Variants in GPR89A observed in about 807,000 individuals in gnomAD.
GPR89A encodes the protein golgi pH regulator A.
In GPR89A, 16 loss-of-function variants were observed where a neutral mutation model predicts 52.0. The observed-to-expected ratio is 0.31, with a 90% confidence interval of 0.21 to 0.47. GPR89A has a LOEUF of 0.47. Ranked by LOEUF, GPR89A falls within the 20% of genes least tolerant of loss-of-function variation. GPR89A has a pLI of 1.00. For missense variants in GPR89A, 135 were observed against 449.4 expected (o/e 0.30, Z 6.33); for synonymous variants, 55 against 150.9 (o/e 0.36, Z 4.66).
chr1:145,640,030 G>A (rs1333714313), intron 7 of GPR89A, among the ~76,000 whole-genome samples: 1 of 151,604 alleles, frequency 6.6e-6, no homozygotes, highest in Non-Finnish European at 1.5e-5. Context: ...CTAGACCGGC[G>A]AACATGGTGA....
chr1:145,608,199 A>G, intron 1 of GPR89A, 24 bp downstream of exon 1: 1 of 1,613,680 alleles, frequency 6.2e-7, no homozygotes, highest in Non-Finnish European at 8.5e-7. Context: ...TCCCGCCCCG[A>G]CACCCGTCCG....
intron 10 of GPR89A, among the ~76,000 whole-genome samples, chr1:145,659,958 T>C (rs1427088014): frequency 6.6e-6 from 1 of 151,522 alleles, no homozygotes; most frequent in Non-Finnish European, 1.5e-5. Context: ...GAGCAGTGTT[T>C]TGTAGTTCTC....
At chr1:145,615,811 A>T (rs140783600) in intron 1 of GPR89A, among the ~76,000 whole-genome samples, 1 of 151,974 alleles carries the variant, frequency 6.6e-6, no homozygotes, top group South Asian at 2.1e-4. Context: ...GTAGAGACGG[A>T]GCTTTGCCAT....
chr1:145,615,340 AATTTATTTTT>A (rs1240365613), intron 1 of GPR89A, among the ~76,000 whole-genome samples: 1 of 152,046 alleles, frequency 6.6e-6, no homozygotes, highest in African/African-American at 2.4e-5. Flanking sequence ...TTTTTAAATT[AATTTATTTTT>A]ATTTATTTTT....
At chr1:145,614,023 G>T (rs1648490143) in intron 1 of GPR89A, among the ~76,000 whole-genome samples, 1 of 152,134 alleles carries the variant, frequency 6.6e-6, no homozygotes, top group African/African-American at 2.4e-5. Context: ...CTGGGCTCAA[G>T]CGATCTACCC....
intron 10 of GPR89A, among the ~76,000 whole-genome samples, chr1:145,653,382 T>C (rs1309951684): frequency 1.5e-5 from 1 of 65,942 alleles, no homozygotes; most frequent in Non-Finnish European, 2.9e-5. Flanking sequence ...AGGAGTGTTC[T>C]ACTTCCAGTT....
chr1:145,647,879 C>CTATATATATATA (rs782172827), intron 10 of GPR89A, among the ~76,000 whole-genome samples: 7 of 24,666 alleles, frequency 2.8e-4, no homozygotes, highest in East Asian at 1.3e-3. Flanking sequence ...CTCTCTCTCT[C>CTATATATATATA]TATATATATA....
chr1:145,626,604 C>A, intron 5 of GPR89A, among the ~76,000 whole-genome samples: 1 of 151,536 alleles, frequency 6.6e-6, no homozygotes, highest in Non-Finnish European at 1.5e-5. Flanking sequence ...CTTCTTAGAG[C>A]TTTCCCAGGA....
chr1:145,669,022 C>A (rs1413640310), intron 12 of GPR89A, among the ~76,000 whole-genome samples: 1 of 151,596 alleles, frequency 6.6e-6, no homozygotes, highest in Admixed American at 6.6e-5. Context: ...GTCTAAAATT[C>A]TCTTTTTTTG....
At chr1:145,648,415 G>A (rs1219328377) in intron 10 of GPR89A, among the ~76,000 whole-genome samples, 1 of 151,094 alleles carries the variant, frequency 6.6e-6, no homozygotes, top group Admixed American at 6.6e-5. Context: ...GATAATGAAT[G>A]AAGATAGTAT....
At chr1:145,647,888 T>C (rs1213004688) in intron 10 of GPR89A, among the ~76,000 whole-genome samples, 16 of 83,328 alleles carry the variant, frequency 1.9e-4, no homozygotes, top group African/African-American at 6.0e-4. Context: ...TCTATATATA[T>C]ATATATATAT....
chr1:145,660,155 A>C (rs1182724844), intron 10 of GPR89A, among the ~76,000 whole-genome samples: 4 of 152,170 alleles, frequency 2.6e-5, no homozygotes, highest in African/African-American at 9.7e-5. Context: ...CCGCATATCT[A>C]CAACTATCTG....
intron 10 of GPR89A, among the ~76,000 whole-genome samples, chr1:145,661,158 G>A (rs1652168010): frequency 1.4e-5 from 2 of 144,788 alleles, no homozygotes; most frequent in South Asian, 4.6e-4. Flanking sequence ...CCTTTGTAGG[G>A]ACATGGATGA....
intron 10 of GPR89A, among the ~76,000 whole-genome samples, chr1:145,659,062 CCA>C (rs1652007103): frequency 1.3e-5 from 2 of 152,074 alleles, no homozygotes; most frequent in Admixed American, 1.3e-4. Flanking sequence ...TATCCGTGAG[CCA>C]CCATGCCCAG....
At chr1:145,615,458 C>T in intron 1 of GPR89A, among the ~76,000 whole-genome samples, 1 of 151,654 alleles carries the variant, frequency 6.6e-6, no homozygotes, top group Non-Finnish European at 1.5e-5. Context: ...ATCTTCCCAC[C>T]TCAGCCTCCC....
At chr1:145,641,753 TA>T (rs1177838981) in intron 7 of GPR89A, among the ~76,000 whole-genome samples, 1 of 151,454 alleles carries the variant, frequency 6.6e-6, no homozygotes, top group Non-Finnish European at 1.5e-5. Context: ...AACAAATAGA[TA>T]ATTCCTTGTA....
In GPR89A at chr1:145,613,204, C is replaced by A; in HGVS notation, c.43-3030C>A. Among the ~76,000 whole-genome samples the A allele has an allele frequency of 1.3e-5, 2 of 151,380 alleles. 1 individual carries two copies. The highest frequency in any genetic ancestry group is 4.9e-5 in the African/African-American group (2 of 40,876). On this transcript the variant is annotated intron_variant, in intron 1 of 13. Coordinates refer to ENST00000313835, the MANE Select transcript of GPR89A (RefSeq NM_001097612.2). ...ATTTTCCCCATCCTCTGCCCCCTTTCCTAAACCTCTTCTTTCTCCAGTATT... is the reference window on the plus strand; with the variant it reads ...ATTTTCCCCATCCTCTGCCCCCTTTACTAAACCTCTTCTTTCTCCAGTATT...
intron 7 of GPR89A, among the ~76,000 whole-genome samples, chr1:145,632,572 A>G (rs1476579696): frequency 2.0e-5 from 3 of 152,252 alleles, no homozygotes; most frequent in African/African-American, 7.2e-5. Context: ...CACAAATGAA[A>G]GAATTTCCTT....
chr1:145,637,381 A>C (rs1553691010), intron 7 of GPR89A, among the ~76,000 whole-genome samples: 1 of 149,426 alleles, frequency 6.7e-6, no homozygotes, highest in Non-Finnish European at 1.5e-5. Flanking sequence ...TCAGCAGAGA[A>C]TATCAGGGAG....
Sources: gnomAD v4.1 joint callset for allele counts (sites outside exome capture counted in the v4.1 genomes callset) on GRCh38, gnomAD v4.1.1 for gene constraint, MANE v1.5 for transcripts, NCBI Gene and HGNC (gene_info 2026-07-23, HGNC 2026-07-21) for gene names.